SLC9A9: variants seen among roughly 807,000 people sequenced by gnomAD.
The protein encoded by SLC9A9 is solute carrier family 9 member A9.
Under a neutral mutation model 77.8 loss-of-function variants are expected in SLC9A9, and 62 were observed. That is an observed-to-expected ratio of 0.80 (90% CI 0.65 to 0.98). The LOEUF (loss-of-function observed/expected upper bound fraction) is 0.98. Among genes scored for constraint, SLC9A9 ranks in the 50% least tolerant of loss-of-function variants. SLC9A9 has a pLI of 0.00. For synonymous variants in SLC9A9, 320 were observed against 283.5 expected, an observed-to-expected ratio of 1.13 and a Z score of -1.29; for missense variants, 775 against 774.9, an observed-to-expected ratio of 1.00 and a Z score of 0.00.
chr3:143,445,830 T>C (rs149854111), intron 12 of SLC9A9, among the ~76,000 whole-genome samples: 2 of 152,242 alleles, frequency 1.3e-5, no homozygotes, highest in African/African-American at 4.8e-5. Flanking sequence ...GTAAGATCAA[T>C]TATGTTAAAA....
At position 143,363,522 on chromosome 3, in the gene SLC9A9, A is replaced by G. The variant is rs1283060669; in HGVS notation, c.1566T>C (p.Ser522=). The G allele has an allele frequency of 6.2e-7, 1 of 1,612,950 alleles. No homozygotes were observed. The highest frequency in any genetic ancestry group is 8.5e-7 in the Non-Finnish European group (1 of 1,179,288). ...TATACCACATTCTGAAGAGCCGAGCACTCTCTGCTTTCGTCATGTTTTTAT... is the reference window on the plus strand; with the variant it reads ...TATACCACATTCTGAAGAGCCGAGCGCTCTCTGCTTTCGTCATGTTTTTAT... ...NLDKNMTKAE[S]ARLFRMWYSF... is the part of the protein sequence containing the mutation. The change falls in exon 14 of 16, where the codon AGT becomes AGC. Residue 522 remains serine, a synonymous_variant. Transcript: ENST00000316549.
In SLC9A9 at chr3:143,848,132, C is replaced by G. The variant is rs2009868232; in HGVS notation, c.175+16G>C. 1 of 1,609,684 alleles carries G rather than the reference C, an allele frequency of 6.2e-7. No individual in the cohort carries two copies. Among genetic ancestry groups the G allele is most frequent in the South Asian group, 1.1e-5 (1 of 91,014 alleles). On this transcript the variant is annotated intron_variant, in intron 1 of 15. Transcript: ENST00000316549. ...AGCAACAAGTTTCACATCAATCTCA[C>G]AATTTATGCACTCACCATACACCAT...
At chr3:143,834,979 C>G (rs148671150) in intron 1 of SLC9A9, among the ~76,000 whole-genome samples, 23 of 152,242 alleles carry the variant, frequency 1.5e-4, no homozygotes, top group Non-Finnish European at 2.5e-4. Flanking sequence ...GGCTCCCAGC[C>G]GATGACTGAA....
At chr3:143,660,229 T>A (rs369862872) in intron 5 of SLC9A9, among the ~76,000 whole-genome samples, 56 of 152,106 alleles carry the variant, frequency 3.7e-4, no homozygotes, top group African/African-American at 1.3e-3. Context: ...AGCAGAAAAA[T>A]TTATTAGGCT....
chr3:143,725,799 A>G (rs1934635645), intron 4 of SLC9A9, among the ~76,000 whole-genome samples: 2 of 150,760 alleles, frequency 1.3e-5, no homozygotes, highest in Admixed American at 6.6e-5. Flanking sequence ...TGACAAGTTA[A>G]TGGGTGCAGC....
At chr3:143,488,572 G>A (rs533056924) in intron 11 of SLC9A9, among the ~76,000 whole-genome samples, 2 of 151,972 alleles carry the variant, frequency 1.3e-5, no homozygotes, top group African/African-American at 2.4e-5. Flanking sequence ...ATTTGTTCCC[G>A]GAATGCAATG....
intron 9 of SLC9A9, among the ~76,000 whole-genome samples, chr3:143,533,959 G>C (rs1430287305): frequency 6.6e-6 from 1 of 152,074 alleles, no homozygotes; most frequent in African/African-American, 2.4e-5. Context: ...CTTGCAAGTT[G>C]GAATAATTTA....
At chr3:143,721,443 C>G (rs948557445) in intron 4 of SLC9A9, among the ~76,000 whole-genome samples, 1 of 151,964 alleles carries the variant, frequency 6.6e-6, no homozygotes, top group Non-Finnish European at 1.5e-5. Flanking sequence ...CTTCGAAGTG[C>G]TGAGTTTTCC....
chr3:143,445,841 G>C (rs886901869), intron 12 of SLC9A9, among the ~76,000 whole-genome samples: 1 of 152,152 alleles, frequency 6.6e-6, no homozygotes, highest in Non-Finnish European at 1.5e-5. Context: ...TATGTTAAAA[G>C]TTTTTGATTG....
Position 143,475,966 on chromosome 3 carries a change from C to T in SLC9A9, c.1316-8776G>A, listed in dbSNP as rs573797877. On this transcript the variant is annotated intron_variant, in intron 11 of 15. Coordinates refer to ENST00000316549, the MANE Select transcript of SLC9A9 (RefSeq NM_173653.4). ...TAATCCATTGCAATTCCTTTTTTTC[C>T]CCTTTCACTTCAAATACTCTGAAGA... 3.8e-5 allele frequency among the ~76,000 whole-genome samples: 5 copies of T among 130,638 alleles called. No homozygotes were observed. In the South Asian group the frequency reaches 9.5e-4, roughly 25 times the overall value. 85.7% of individuals were successfully genotyped at this position (130,638 alleles called of 152,430 possible).
At chr3:143,529,274 G>C (rs1028707843) in intron 9 of SLC9A9, among the ~76,000 whole-genome samples, 7 of 152,166 alleles carry the variant, frequency 4.6e-5, no homozygotes, top group Non-Finnish European at 1.0e-4. Flanking sequence ...CTTTTAAAAC[G>C]TTTTTATAAA....
intron 6 of SLC9A9, among the ~76,000 whole-genome samples, chr3:143,646,619 T>C (rs1157998835): frequency 2.0e-5 from 3 of 152,182 alleles, no homozygotes; most frequent in Non-Finnish European, 2.9e-5. Flanking sequence ...GTAACCATTG[T>C]GCACAACTTC....
At chr3:143,571,619 A>T (rs1259403011) in intron 8 of SLC9A9, among the ~76,000 whole-genome samples, 1 of 79,518 alleles carries the variant, frequency 1.3e-5, no homozygotes, top group African/African-American at 6.0e-5. Flanking sequence ...CCACTTTGAT[A>T]AGCATGACTT....
At chr3:143,495,682 G>A (rs969746717) in intron 9 of SLC9A9, among the ~76,000 whole-genome samples, 2 of 152,100 alleles carry the variant, frequency 1.3e-5, no homozygotes, top group Non-Finnish European at 2.9e-5. Context: ...CCAGAGACAC[G>A]CCTGGGTAAT....
intron 14 of SLC9A9, among the ~76,000 whole-genome samples, chr3:143,339,583 CA>C (rs539254542): frequency 3.9e-5 from 6 of 152,318 alleles, no homozygotes; most frequent in African/African-American, 1.4e-4. Context: ...AATTACTCTT[CA>C]GATTCTTTTC....
At chr3:143,360,874 C>G (rs1011839911) in intron 14 of SLC9A9, among the ~76,000 whole-genome samples, 3 of 152,150 alleles carry the variant, frequency 2.0e-5, no homozygotes, top group African/African-American at 7.2e-5. Context: ...TTGTTGACAT[C>G]TAAGGTATTT....
intron 12 of SLC9A9, among the ~76,000 whole-genome samples, chr3:143,439,378 T>C (rs2034683150): frequency 1.3e-5 from 2 of 152,214 alleles, no homozygotes; most frequent in Admixed American, 1.3e-4. Flanking sequence ...CCATGCTGCC[T>C]CTGGCTCAGC....
chr3:143,527,678 C>T (rs1427349907), intron 9 of SLC9A9, among the ~76,000 whole-genome samples: 1 of 152,204 alleles, frequency 6.6e-6, no homozygotes, highest in Non-Finnish European at 1.5e-5. Context: ...AGCCAAACTG[C>T]TTAGCACCAC....
chr3:143,803,164 C>T (rs1254387314), intron 2 of SLC9A9, among the ~76,000 whole-genome samples: 1 of 152,162 alleles, frequency 6.6e-6, no homozygotes, highest in Non-Finnish European at 1.5e-5. Flanking sequence ...GTTCACCGTT[C>T]CAGAGTAAAG....
Sources: gnomAD v4.1 joint callset for allele counts (sites outside exome capture counted in the v4.1 genomes callset) on GRCh38, gnomAD v4.1.1 for gene constraint, MANE v1.5 for transcripts, NCBI Gene and HGNC (gene_info 2026-07-23, HGNC 2026-07-21) for gene names.